GRM7: variants seen among roughly 807,000 people sequenced by gnomAD.
GRM7 encodes glutamate metabotropic receptor 7.
In GRM7, 35 loss-of-function variants were observed where a neutral mutation model predicts 84.5. The observed-to-expected ratio is 0.41, with a 90% CI of 0.32 to 0.55. The LOEUF (loss-of-function observed/expected upper bound fraction) is 0.55. GRM7 is among the 20% of genes least tolerant of loss of function. GRM7 has a pLI of 0.19. For synonymous variants in GRM7, 487 were observed against 455.1 expected, an observed-to-expected ratio of 1.07 and a Z score of -0.89; for missense variants, 1,003 against 1,194.6, an observed-to-expected ratio of 0.84 and a Z score of 2.36.
chr3:7,329,292 T>C (rs960168974), intron 4 of GRM7, among the ~76,000 whole-genome samples: 1 of 152,120 alleles, frequency 6.6e-6, no homozygotes, highest in Non-Finnish European at 1.5e-5. Flanking sequence ...TGGAAACTGT[T>C]CCATCCATCA....
intron 1 of GRM7, among the ~76,000 whole-genome samples, chr3:6,998,847 G>A (rs1451483983): frequency 6.6e-6 from 1 of 152,200 alleles, no homozygotes; most frequent in Non-Finnish European, 1.5e-5. Context: ...GCACAAAGCA[G>A]CAAGGCCCTG....
Position 7,267,136 on chromosome 3 carries a change from A to T in GRM7, c.737-31548A>T, listed in dbSNP as rs186275985. Among the ~76,000 whole-genome samples, 194 of 152,346 alleles carry T rather than the reference A, an allele frequency of 1.3e-3. 1 individual carries two copies. Among genetic ancestry groups the T allele is most frequent in the African/African-American group, 4.4e-3 (184 of 41,576 alleles). ...TTTTTTTGAGTCAAAAACACAGAAG[A>T]AGGTGGAAATTGCTTCTCTGTAGAA... On this transcript the variant is annotated intron_variant, in intron 2 of 9. Transcript: ENST00000357716.
intron 2 of GRM7, among the ~76,000 whole-genome samples, chr3:7,214,324 TA>T (rs1339671936): frequency 6.6e-6 from 1 of 152,234 alleles, no homozygotes; most frequent in East Asian, 1.9e-4. Flanking sequence ...CTCAAATTCT[TA>T]ATTCAACAAA....
chr3:7,107,696 T>C (rs1029045795), intron 1 of GRM7, among the ~76,000 whole-genome samples: 2 of 152,040 alleles, frequency 1.3e-5, no homozygotes, highest in East Asian at 3.9e-4. Flanking sequence ...TGATTAAAAA[T>C]AGATTGGCAG....
chr3:7,659,652 T>A (rs1181223204), intron 8 of GRM7, among the ~76,000 whole-genome samples: 2 of 152,180 alleles, frequency 1.3e-5, no homozygotes, highest in African/African-American at 4.8e-5. Context: ...TTAATGTTGA[T>A]TGAAGGCCTG....
chr3:7,343,132 C>T (rs1239029496), intron 4 of GRM7, among the ~76,000 whole-genome samples: 4 of 152,108 alleles, frequency 2.6e-5, no homozygotes, highest in African/African-American at 9.7e-5. Flanking sequence ...AACACCCAGA[C>T]GTAGAATAAC....
chr3:7,734,247 C>CGGG (rs3838613), intron 9 of GRM7, among the ~76,000 whole-genome samples: 48 of 82,360 alleles, frequency 5.8e-4, no homozygotes, highest in African/African-American at 1.2e-3. Flanking sequence ...TTGGCAGGGG[C>CGGG]GGGGGGGGGG....
intron 1 of GRM7, among the ~76,000 whole-genome samples, chr3:6,982,124 A>G (rs933163961): frequency 3.3e-5 from 5 of 152,198 alleles, no homozygotes; most frequent in African/African-American, 9.7e-5. Flanking sequence ...CATAAAAAAG[A>G]ACAAAATCAT....
chr3:7,519,997 G>T (rs1035219533), intron 7 of GRM7: 3 of 152,240 alleles, frequency 2.0e-5, no homozygotes, highest in African/African-American at 7.2e-5. Flanking sequence ...CATGGTTGCT[G>T]TTGCTCAGGG....
At chr3:7,044,470 A>T (rs1292877510) in intron 1 of GRM7, among the ~76,000 whole-genome samples, 2 of 152,172 alleles carry the variant, frequency 1.3e-5, no homozygotes, top group African/African-American at 4.8e-5. Context: ...TTATATTTTT[A>T]AAATATGAGA....
intron 1 of GRM7, among the ~76,000 whole-genome samples, chr3:6,869,577 ATCTG>A (rs1695046712): frequency 8.0e-6 from 1 of 125,768 alleles, no homozygotes; most frequent in Non-Finnish European, 1.8e-5. Context: ...ACATCTATCT[ATCTG>A]TCTATCTATC....
At chr3:7,149,908 T>C (rs1294164871) in intron 2 of GRM7, among the ~76,000 whole-genome samples, 1 of 152,168 alleles carries the variant, frequency 6.6e-6, no homozygotes, top group African/African-American at 2.4e-5. Flanking sequence ...ATAACTTGAG[T>C]AATAGATGTT....
chr3:7,498,720 C>T (rs912132250), intron 7 of GRM7, among the ~76,000 whole-genome samples: 3 of 152,150 alleles, frequency 2.0e-5, no homozygotes, highest in Non-Finnish European at 2.9e-5. Flanking sequence ...TTTGAGACAT[C>T]GCCTAGTTCA....
chr3:7,346,738 A>G (rs897710198), intron 4 of GRM7, among the ~76,000 whole-genome samples: 1 of 152,170 alleles, frequency 6.6e-6, no homozygotes, highest in African/African-American at 2.4e-5. Flanking sequence ...CACAGAATAT[A>G]CGTGTTTTTA....
intron 7 of GRM7, among the ~76,000 whole-genome samples, chr3:7,539,098 C>A (rs1401191160): frequency 6.6e-6 from 1 of 152,140 alleles, no homozygotes; most frequent in Non-Finnish European, 1.5e-5. Flanking sequence ...TAGATGAGAT[C>A]TGGGATTCTA....
intron 4 of GRM7, among the ~76,000 whole-genome samples, chr3:7,369,805 T>C (rs73115511): frequency 0.017 from 2,581 of 152,320 alleles, 70 homozygotes; most frequent in African/African-American, 0.059. Context: ...AATTGTTAAA[T>C]GCATGAAATC....
At chr3:7,370,948 CAA>C (rs1400551159) in intron 4 of GRM7, among the ~76,000 whole-genome samples, 1 of 152,140 alleles carries the variant, frequency 6.6e-6, no homozygotes, top group South Asian at 2.1e-4. Flanking sequence ...TACATTTCCT[CAA>C]GTCTTGAATT....
chr3:7,537,772 T>C (rs1692634940), intron 7 of GRM7, among the ~76,000 whole-genome samples: 1 of 152,182 alleles, frequency 6.6e-6, no homozygotes, highest in South Asian at 2.1e-4. Context: ...TGTTTTAGTG[T>C]AGATTATTCA....
At chr3:7,655,301 T>G (rs1232598168) in intron 8 of GRM7, among the ~76,000 whole-genome samples, 1 of 152,228 alleles carries the variant, frequency 6.6e-6, no homozygotes, top group African/African-American at 2.4e-5. Flanking sequence ...AACTTTGTAT[T>G]GGCCATCAAG....
Sources: allele counts gnomAD v4.1 joint callset (sites outside exome capture counted in the v4.1 genomes callset), GRCh38; gene constraint gnomAD v4.1.1; transcripts MANE v1.5; gene names NCBI Gene and HGNC (gene_info 2026-07-23, HGNC 2026-07-21).